Variants in G3BP1 observed in about 807,000 individuals in gnomAD.
G3BP1 encodes G3BP stress granule assembly factor 1.
Under a neutral mutation model 58.6 loss-of-function variants are expected in G3BP1, and 35 were observed. The ratio of observed to expected loss-of-function variants is 0.60; its 90% confidence interval spans 0.46 to 0.79. G3BP1 has a LOEUF of 0.79. Among genes scored for constraint, G3BP1 ranks in the 30% least tolerant of loss-of-function variants. G3BP1 has a pLI of 0.00. For synonymous variants in G3BP1, 191 were observed against 195.4 expected (o/e 0.98, Z 0.19); for missense variants, 523 against 580.8 (o/e 0.90, Z 1.02).
intron 4 of G3BP1, among the ~76,000 whole-genome samples, chr5:151,792,982 C>T (rs1274795604): frequency 6.6e-6 from 1 of 152,128 alleles, no homozygotes; most frequent in Non-Finnish European, 1.5e-5. Flanking sequence ...ATAATTGGAT[C>T]TGCACTCAGG....
At chr5:151,792,226 A>G in intron 4 of G3BP1, 2 of 349,498 alleles carry the variant, frequency 5.7e-6, no homozygotes, top group African/African-American at 2.2e-5. Flanking sequence ...CTGCTTAAGC[A>G]TGTATATAGA....
intron 1 of G3BP1, among the ~76,000 whole-genome samples, chr5:151,773,734 G>A (rs1323715376): frequency 6.6e-6 from 1 of 152,140 alleles, no homozygotes; most frequent in African/African-American, 2.4e-5. Flanking sequence ...CTGGTGTGGC[G>A]ATTCCGGTTA....
At chr5:151,802,448 A>G (rs75411202) in intron 11 of G3BP1, among the ~76,000 whole-genome samples, 1,903 of 152,294 alleles carry the variant, frequency 0.012, 32 homozygotes, top group African/African-American at 0.042. Flanking sequence ...GTGGTGTATG[A>G]CATACTGTAG....
intron 1 of G3BP1, among the ~76,000 whole-genome samples, chr5:151,776,620 G>T (rs1276516175): frequency 6.6e-6 from 1 of 151,980 alleles, no homozygotes; most frequent in Non-Finnish European, 1.5e-5. Context: ...CTGTGAGGAA[G>T]ATTTGTGTAT....
intron 2 of G3BP1, among the ~76,000 whole-genome samples, chr5:151,787,953 T>G (rs1762579484): frequency 6.6e-6 from 1 of 151,766 alleles, no homozygotes; most frequent in African/African-American, 2.4e-5. Flanking sequence ...GAGAGTTAAG[T>G]CTCAGCTGTC....
chr5:151,788,570 A>ATG (rs201430384), intron 2 of G3BP1, among the ~76,000 whole-genome samples: 11,886 of 92,692 alleles, frequency 0.13, 735 homozygotes, highest in Non-Finnish European at 0.17. Flanking sequence ...AGCTAAGTTT[A>ATG]TATGTGTGTG....
At position 151,810,682 on chromosome 5, in the gene G3BP1, C is replaced by T. The variant is rs1221168875; in HGVS notation, c.*6591C>T. ...CACCAGAAGGTACAGTGACTCATAA[C>T]TAGAGTCTTTAGATGAAACTTACTG... is the stretch of plus-strand genomic sequence containing the variant. On this transcript the variant is annotated 3_prime_UTR_variant, in exon 12 of 12. Transcript: ENST00000356245. The T allele has an allele frequency of 6.6e-6, 1 of 152,202 alleles. No individual in the cohort carries two copies. The highest frequency in any genetic ancestry group is 2.4e-5 in the African/African-American group (1 of 41,452). 9.4% of individuals were successfully genotyped at this position (152,202 alleles called of 1,614,324 possible).
intron 1 of G3BP1, among the ~76,000 whole-genome samples, chr5:151,782,828 A>G (rs1454500612): frequency 6.9e-6 from 1 of 144,806 alleles, no homozygotes; most frequent in African/African-American, 2.6e-5. Flanking sequence ...CTGGCAAAAC[A>G]CTGTCTTTTC....
Position 151,795,528 on chromosome 5 carries a change from G to GGT in G3BP1, c.494_495dup (p.Val166TrpfsTer23). 6.2e-7 allele frequency: 1 copy of GGT among 1,608,514 alleles called. No individual in the cohort carries two copies. Among genetic ancestry groups the GGT allele is most frequent in the Non-Finnish European group, 8.5e-7 (1 of 1,175,356 alleles). ...CTGAAGAAAGACAGCAAACACCTGA[G>GGT]GTGGTACCTGATGATTCTGGAACTT... On this transcript the variant is annotated frameshift_variant, in exon 6 of 12. Coordinates refer to ENST00000356245, the MANE Select transcript of G3BP1 (RefSeq NM_005754.3). LOFTEE classifies it high-confidence loss of function.
rs560899566 is a variant in G3BP1, at chr5:151,789,218, G to A, written c.96-1105G>A. On this transcript the variant is annotated intron_variant, in intron 2 of 11. Transcript: ENST00000356245. The stretch of plus-strand genomic sequence containing the variant: ...AGCACTTTGAGAGGCTGAGGTGGGC[G>A]GATCACTTGAGGTCAGGAGTTCAAG... Among the ~76,000 whole-genome samples, 8 of 152,210 alleles carry A rather than the reference G, an allele frequency of 5.3e-5. No individual in the cohort carries two copies. The South Asian group carries it at 1.5e-3, about 28-fold the overall frequency.
In G3BP1 at chr5:151,795,121, CA is replaced by C. The variant is rs533986614; in HGVS notation, c.443-352del. On this transcript the variant is annotated intron_variant, in intron 5 of 11. Transcript: ENST00000356245. The stretch of plus-strand genomic sequence containing the variant: ...TGAAACCCCATCTCTACTAAAAATA[CA>C]AAAAATTAGCCAGGCGTGGTGGCAG... Among the ~76,000 whole-genome samples, 1,494 of 152,222 alleles carry C rather than the reference CA, an allele frequency of 9.8e-3. 27 individuals are homozygous for C. The highest frequency in any genetic ancestry group is 0.034 in the African/African-American group (1,419 of 41,530).
chr5:151,775,546 T>C (rs1319111507), intron 1 of G3BP1, among the ~76,000 whole-genome samples: 1 of 152,264 alleles, frequency 6.6e-6, no homozygotes, highest in Non-Finnish European at 1.5e-5. Context: ...TGTATGAATG[T>C]GACACCTGCC....
At chr5:151,790,524 A>G in intron 3 of G3BP1, 120 bp downstream of exon 3, 1 of 525,692 alleles carries the variant, frequency 1.9e-6, no homozygotes, top group Non-Finnish European at 3.4e-6. Context: ...TTTTAGTAAA[A>G]GTTGATGTGT....
At chr5:151,796,496 A>G (rs964384807) in intron 6 of G3BP1, among the ~76,000 whole-genome samples, 4 of 152,206 alleles carry the variant, frequency 2.6e-5, no homozygotes, top group Non-Finnish European at 5.9e-5. Context: ...TGGAACTCCT[A>G]ATCTCAGGTG....
chr5:151,791,010 A>T lies in G3BP1; in HGVS notation c.299A>T (p.Asn100Ile). 1 of 1,613,910 alleles carries T rather than the reference A, an allele frequency of 6.2e-7. No homozygotes were observed. ...GTCCAGGTGATGGGGCTTCTCTCTA[A>T]CAACAACCAGGCTTTGAGGAGATTC... ...VVVQVMGLLS[N>I]NNQALRRFMQ... Residue 100 changes from asparagine to isoleucine, a missense_variant, in exon 4 of 12, where the codon AAC becomes ATC. Physicochemically the swap from Asn to Ile is moderately radical, Grantham distance 149. Coordinates refer to ENST00000356245, the MANE Select transcript of G3BP1 (RefSeq NM_005754.3).
intron 11 of G3BP1, among the ~76,000 whole-genome samples, chr5:151,803,305 AT>A (rs1386012940): frequency 6.6e-6 from 1 of 151,868 alleles, no homozygotes; most frequent in Non-Finnish European, 1.5e-5. Context: ...TTTATTTTTT[AT>A]TTTTTATTGG....
intron 6 of G3BP1, among the ~76,000 whole-genome samples, chr5:151,795,874 T>C (rs2113241672): frequency 6.6e-6 from 1 of 152,336 alleles, no homozygotes; most frequent in South Asian, 2.1e-4. Context: ...AAGAGTTGAA[T>C]GTATTGAGGT....
intron 1 of G3BP1, among the ~76,000 whole-genome samples, chr5:151,785,873 A>G (rs1203904346): frequency 6.6e-6 from 1 of 152,230 alleles, no homozygotes; most frequent in Admixed American, 6.5e-5. Flanking sequence ...GGGCCAGAAA[A>G]TGTGATAGTT....
At chr5:151,782,157 G>T (rs1762481480) in intron 1 of G3BP1, among the ~76,000 whole-genome samples, 1 of 152,074 alleles carries the variant, frequency 6.6e-6, no homozygotes, top group Admixed American at 6.5e-5. Context: ...TTTATTTCCT[G>T]CTTACTGTTA....
Sources: gnomAD v4.1 joint callset for allele counts (sites outside exome capture counted in the v4.1 genomes callset) on GRCh38, gnomAD v4.1.1 for gene constraint, MANE v1.5 for transcripts, NCBI Gene and HGNC (gene_info 2026-07-23, HGNC 2026-07-21) for gene names.